FCHSD2: variants seen among roughly 807,000 people sequenced by gnomAD.
FCHSD2 encodes FCH and double SH3 domains 2, also known as F-BAR and double SH3 domains protein 2.
A neutral mutation model predicts 108.1 loss-of-function variants in FCHSD2; 38 were observed. The ratio of observed to expected loss-of-function variants is 0.35; its 90% confidence interval spans 0.27 to 0.46. FCHSD2 has a LOEUF of 0.46. FCHSD2 is among the 20% of genes least tolerant of loss of function. The pLI, the probability that FCHSD2 is intolerant of heterozygous loss-of-function variation, is 1.00. For missense variants in FCHSD2, 751 were observed against 897.8 expected (o/e 0.84, Z 2.09); for synonymous variants, 279 against 314.7 (o/e 0.89, Z 1.20).
In FCHSD2 at chr11:72,867,768, C is replaced by G. The variant is rs530567340; in HGVS notation, c.1308+97G>C. 1.8e-4 allele frequency: 183 copies of G among 1,041,030 alleles called. 2 individuals carry two copies. The African/African-American group carries it at 2.4e-3, about 14-fold the overall frequency. 64.5% of individuals were successfully genotyped at this position (1,041,030 alleles called of 1,614,324 possible). A position where few individuals can be genotyped will look rare whatever the true frequency, so the allele number is the denominator to read the frequency against. On this transcript the variant is annotated intron_variant, in intron 13 of 19. Coordinates refer to ENST00000409418, the MANE Select transcript of FCHSD2 (RefSeq NM_014824.3). ...ACCTAAATCACTAGCAAACTATTAT[C>G]TTTTTAAAAAATTTTGGCTATTATT...
rs12283360 is a variant in FCHSD2 at position 72,924,520 on chromosome 11, G to C, written c.706-2570C>G. ...GATGGTCTCGATCTCCTGATCTCGT[G>C]ATCCGCCCACCTTGGCCTCCCAAAG... is the stretch of plus-strand genomic sequence containing the variant. On this transcript the variant is annotated intron_variant, in intron 8 of 19. Coordinates refer to ENST00000409418, the MANE Select transcript of FCHSD2 (RefSeq NM_014824.3). Among the ~76,000 whole-genome samples, 738 of 150,256 alleles carry C rather than the reference G, an allele frequency of 4.9e-3. 6 individuals are homozygous for C. Among genetic ancestry groups the C allele is most frequent in the African/African-American group, 0.017 (681 of 40,866 alleles).
chr11:73,120,998 C>A (rs889088135), intron 2 of FCHSD2, among the ~76,000 whole-genome samples: 1 of 152,088 alleles, frequency 6.6e-6, no homozygotes, highest in Non-Finnish European at 1.5e-5. Flanking sequence ...TTTGTTTAGA[C>A]AAGAGGCAGA....
intron 3 of FCHSD2, among the ~76,000 whole-genome samples, chr11:73,044,531 C>T (rs1243561233): frequency 6.6e-6 from 1 of 152,174 alleles, no homozygotes; most frequent in African/African-American, 2.4e-5. Context: ...GAGCTATGAT[C>T]ATGCCATTGC....
At chr11:73,077,595 C>T in intron 3 of FCHSD2, 1 of 424,796 alleles carries the variant, frequency 2.4e-6, no homozygotes, top group Non-Finnish European at 4.6e-6. Context: ...ATTTATAATA[C>T]TCAAAAAACA....
chr11:73,017,995 A>G (rs993584650), intron 3 of FCHSD2, among the ~76,000 whole-genome samples: 3 of 152,220 alleles, frequency 2.0e-5, no homozygotes, highest in Admixed American at 1.3e-4. Context: ...GAGGAAAGAC[A>G]GGATAAATAT....
chr11:72,959,266 G>A (rs1236550727), intron 8 of FCHSD2, among the ~76,000 whole-genome samples: 1 of 105,418 alleles, frequency 9.5e-6, no homozygotes, highest in Non-Finnish European at 1.7e-5. Context: ...GTCTCGCTCT[G>A]TTGCCCAGGC....
At chr11:73,105,197 G>T (rs970135140) in intron 2 of FCHSD2, among the ~76,000 whole-genome samples, 10 of 152,156 alleles carry the variant, frequency 6.6e-5, no homozygotes, top group African/African-American at 2.4e-4. Context: ...TAGGTGGGGG[G>T]AAGACTTAGG....
chr11:73,128,819 G>A (rs766200545), intron 2 of FCHSD2, among the ~76,000 whole-genome samples: 5 of 152,118 alleles, frequency 3.3e-5, no homozygotes, highest in East Asian at 3.8e-4. Context: ...TTAATTTCAC[G>A]TTTCAACCCA....
At chr11:72,905,513 T>C (rs187901758) in intron 9 of FCHSD2, among the ~76,000 whole-genome samples, 63 of 152,244 alleles carry the variant, frequency 4.1e-4, no homozygotes, top group African/African-American at 1.4e-3. Flanking sequence ...CAGGTATACA[T>C]GTGCCATGCT....
At chr11:73,033,317 G>C (rs1030227194) in intron 3 of FCHSD2, among the ~76,000 whole-genome samples, 1 of 151,442 alleles carries the variant, frequency 6.6e-6, no homozygotes, top group African/African-American at 2.4e-5. Flanking sequence ...TTAGACTACA[G>C]TCAGGGAGAC....
chr11:73,056,222 T>A (rs1334594954), intron 3 of FCHSD2, among the ~76,000 whole-genome samples: 2 of 152,190 alleles, frequency 1.3e-5, no homozygotes, highest in African/African-American at 4.8e-5. Context: ...GTCTTCTGGG[T>A]AAACTGAAAT....
intron 12 of FCHSD2, among the ~76,000 whole-genome samples, chr11:72,880,921 T>G (rs1442446344): frequency 6.7e-6 from 1 of 149,336 alleles, no homozygotes; most frequent in Non-Finnish European, 1.5e-5. Flanking sequence ...ACCCACACTA[T>G]AGAACTAGTA....
At chr11:72,981,986 A>C (rs551506563) in intron 8 of FCHSD2, among the ~76,000 whole-genome samples, 1 of 152,182 alleles carries the variant, frequency 6.6e-6, no homozygotes, top group Non-Finnish European at 1.5e-5. Context: ...TGTCTCAAAA[A>C]CTATATATAC....
intron 8 of FCHSD2, among the ~76,000 whole-genome samples, chr11:72,925,238 T>C (rs1856053705): frequency 6.6e-6 from 1 of 152,228 alleles, no homozygotes; most frequent in African/African-American, 2.4e-5. Context: ...ACTTCTGTTT[T>C]TGACCTTACC....
chr11:72,996,917 G>A (rs915771101), intron 5 of FCHSD2, among the ~76,000 whole-genome samples: 8 of 152,166 alleles, frequency 5.3e-5, no homozygotes, highest in Admixed American at 3.3e-4. Context: ...TAGGGCATTT[G>A]TTGAATCATG....
At chr11:73,019,984 A>G (rs994038677) in intron 3 of FCHSD2, among the ~76,000 whole-genome samples, 1 of 152,182 alleles carries the variant, frequency 6.6e-6, no homozygotes, top group Admixed American at 6.5e-5. Flanking sequence ...GGTCCACTAA[A>G]CATAATATTT....
intron 8 of FCHSD2, among the ~76,000 whole-genome samples, chr11:72,922,942 T>C (rs1194709673): frequency 1.3e-5 from 2 of 152,130 alleles, no homozygotes; most frequent in African/African-American, 4.8e-5. Flanking sequence ...AAGTGGTCAT[T>C]CTCCATCCCT....
intron 2 of FCHSD2, among the ~76,000 whole-genome samples, chr11:73,084,308 G>A (rs530947906): frequency 6.6e-6 from 1 of 152,206 alleles, no homozygotes; most frequent in South Asian, 2.1e-4. Flanking sequence ...AATGTACAAG[G>A]CCACTACAAA....
rs1039518658 is a variant in FCHSD2, at chr11:72,862,647, A to G, written c.1308+5218T>C. On this transcript the variant is annotated intron_variant, in intron 13 of 19. Coordinates refer to ENST00000409418, the MANE Select transcript of FCHSD2 (RefSeq NM_014824.3). ...AAAACTGAATATTGTTAACATGGCA[A>G]TGTTATCTTCCAGTTGATCTATGCA... Among the ~76,000 whole-genome samples, 33 of 152,242 alleles carry G rather than the reference A, an allele frequency of 2.2e-4. 1 individual carries two copies. Among genetic ancestry groups the G allele is most frequent in the African/African-American group, 8.0e-4 (33 of 41,464 alleles).
Sources: allele counts gnomAD v4.1 joint callset (sites outside exome capture counted in the v4.1 genomes callset), GRCh38; gene constraint gnomAD v4.1.1; transcripts MANE v1.5; gene names NCBI Gene and HGNC (gene_info 2026-07-23, HGNC 2026-07-21).